NCAM1: variants seen among roughly 807,000 people sequenced by gnomAD.
NCAM1 encodes antigen recognized by monoclonal antibody 5.1H11.
NCAM1 carries 14 observed loss-of-function variants against 109.8 expected under a neutral mutation model. That is an observed-to-expected ratio of 0.13 (90% confidence interval 0.08 to 0.20). NCAM1 has a LOEUF of 0.20. Among genes scored for constraint, NCAM1 ranks in the 10% least tolerant of loss-of-function variants. The pLI is 1.00. For missense variants in NCAM1, 774 were observed against 1,109.9 expected (o/e 0.70, Z 4.30); for synonymous variants, 418 against 442.9 (o/e 0.94, Z 0.70).
At chr11:113,245,393 C>A (rs1945472457) in intron 14 of NCAM1, among the ~76,000 whole-genome samples, 1 of 152,224 alleles carries the variant, frequency 6.6e-6, no homozygotes, top group Non-Finnish European at 1.5e-5. Context: ...AGTGAGCTAT[C>A]TTCATGCCAC....
At chr11:113,207,221 A>T in intron 5 of NCAM1, 40 bp from the exon 6 acceptor site, 1 of 1,574,000 alleles carries the variant, frequency 6.4e-7, no homozygotes, top group Non-Finnish European at 8.7e-7. Context: ...GGTTCTTCCA[A>T]ATTTTCACAA....
At chr11:113,010,044 A>G (rs1952008350) in intron 1 of NCAM1, among the ~76,000 whole-genome samples, 1 of 151,430 alleles carries the variant, frequency 6.6e-6, no homozygotes, top group African/African-American at 2.4e-5. Context: ...AAAAAAAAAG[A>G]ACAGTTAATT....
intron 1 of NCAM1, among the ~76,000 whole-genome samples, chr11:113,059,787 G>A (rs150092771): frequency 5.3e-4 from 81 of 152,286 alleles, no homozygotes; most frequent in African/African-American, 1.8e-3. Flanking sequence ...GGCCACCTTT[G>A]GAAAGTATGA....
At chr11:113,029,615 G>A (rs782266380) in intron 1 of NCAM1, among the ~76,000 whole-genome samples, 2 of 152,136 alleles carry the variant, frequency 1.3e-5, no homozygotes, top group African/African-American at 4.8e-5. Context: ...GTGGACTCTG[G>A]AAAACTCAAG....
chr11:113,101,827 C>T (rs570959845), intron 1 of NCAM1, among the ~76,000 whole-genome samples: 2 of 152,180 alleles, frequency 1.3e-5, no homozygotes, highest in African/African-American at 4.8e-5. Context: ...TATAACTTAA[C>T]AAATTTGGCC....
At chr11:113,222,286 T>C (rs782506743) in intron 9 of NCAM1, among the ~76,000 whole-genome samples, 6 of 152,218 alleles carry the variant, frequency 3.9e-5, no homozygotes, top group Non-Finnish European at 7.3e-5. Flanking sequence ...ATCTATCCCT[T>C]AGTCTTTCAG....
chr11:113,193,593 C>T (rs943875765), intron 1 of NCAM1, among the ~76,000 whole-genome samples: 5 of 151,340 alleles, frequency 3.3e-5, no homozygotes, highest in Non-Finnish European at 7.4e-5. Flanking sequence ...GCAGAGGTTG[C>T]AGTGAAGCGA....
chr11:113,011,718 T>C (rs1952060649), intron 1 of NCAM1, among the ~76,000 whole-genome samples: 1 of 152,144 alleles, frequency 6.6e-6, no homozygotes, highest in South Asian at 2.1e-4. Flanking sequence ...TAAAAGGAAA[T>C]GACTGTGTTT....
intron 17 of NCAM1, chr11:113,263,883 G>A (rs2298703): frequency 0.2 from 200,808 of 985,438 alleles, 21,915 homozygotes; most frequent in South Asian, 0.36. Flanking sequence ...CCCAGCCCAG[G>A]AGGGTTAATA....
chr11:113,244,155 G>A (rs1555119697), intron 14 of NCAM1, among the ~76,000 whole-genome samples: 1 of 152,106 alleles, frequency 6.6e-6, no homozygotes, highest in African/African-American at 2.4e-5. Flanking sequence ...CTGGTGCAAT[G>A]TGTGTCCAGG....
chr11:113,016,719 C>T (rs536541197), intron 1 of NCAM1, among the ~76,000 whole-genome samples: 18 of 152,218 alleles, frequency 1.2e-4, no homozygotes, highest in South Asian at 4.1e-4. Context: ...AGGAGGGAGA[C>T]GGTGAGGAGG....
intron 1 of NCAM1, among the ~76,000 whole-genome samples, chr11:113,138,631 C>T (rs1941702309): frequency 6.6e-6 from 1 of 152,192 alleles, no homozygotes; most frequent in Non-Finnish European, 1.5e-5. Flanking sequence ...ACAATACTTC[C>T]TTTCCCAAAT....
chr11:113,131,633 C>T (rs1245118), intron 1 of NCAM1, among the ~76,000 whole-genome samples: 92,903 of 151,962 alleles, frequency 0.61, 29,025 homozygotes, highest in Admixed American at 0.73. Context: ...TGCTCAGAAA[C>T]TCCCACAGCT....
chr11:113,109,145 C>T (rs1210906138), intron 1 of NCAM1, among the ~76,000 whole-genome samples: 47 of 151,330 alleles, frequency 3.1e-4, no homozygotes, highest in Admixed American at 3.9e-4. Context: ...GTCAGGAGTT[C>T]GAGACCAGCC....
intron 1 of NCAM1, among the ~76,000 whole-genome samples, chr11:113,132,075 C>T (rs1005229237): frequency 4.6e-5 from 7 of 152,112 alleles, no homozygotes; most frequent in African/African-American, 7.2e-5. Context: ...AGTAAAGAAA[C>T]GCACATCCTC....
intron 1 of NCAM1, among the ~76,000 whole-genome samples, chr11:113,155,088 G>T (rs377595829): frequency 5.9e-5 from 9 of 152,328 alleles, no homozygotes; most frequent in African/African-American, 2.2e-4. Flanking sequence ...TGCACCCGAG[G>T]AGATCCCAGG....
rs530896956 is a variant in NCAM1, at chr11:113,268,157, A to G, written c.2132-2031A>G. Among the ~76,000 whole-genome samples the G allele has an allele frequency of 6.9e-4, 105 of 152,334 alleles. No individual in the cohort carries two copies. The Middle Eastern group carries it at 0.01, about 15-fold the overall frequency. On this transcript the variant is annotated intron_variant, in intron 17 of 19. Transcript: ENST00000316851. ...AGCTATGGGATCCTGAAGACCAAGA[A>G]GGCCTGTGTCTCCTTTGCTTTTTGG...
chr11:113,207,455 C>T, intron 6 of NCAM1, 77 bp downstream of exon 6: 2 of 1,190,828 alleles, frequency 1.7e-6, no homozygotes, highest in South Asian at 1.3e-5. Flanking sequence ...ATGTTAGTGT[C>T]TGCGTGGAAT....
chr11:113,210,775 AACACAC>A (rs35387760), intron 7 of NCAM1, among the ~76,000 whole-genome samples: 4,624 of 130,944 alleles, frequency 0.035, 95 homozygotes, highest in South Asian at 0.066. Context: ...CTTCATCACA[AACACAC>A]ACACACACAC....
Sources: allele counts gnomAD v4.1 joint callset (sites outside exome capture counted in the v4.1 genomes callset), GRCh38; gene constraint gnomAD v4.1.1; transcripts MANE v1.5; gene names NCBI Gene and HGNC (gene_info 2026-07-23, HGNC 2026-07-21).